The following PRPF19 variants were observed in gnomAD, a reference collection of about 807,000 sequenced individuals.
The protein encoded by PRPF19 is pre-mRNA-processing factor 19.
Under a neutral mutation model 64.2 loss-of-function variants are expected in PRPF19, and 2 were observed. The observed-to-expected ratio is 0.03, with a 90% CI of 0.01 to 0.10. The LOEUF is 0.10. Ranked by LOEUF, PRPF19 falls within the 10% of genes least tolerant of loss-of-function variation. PRPF19 has a pLI of 1.00. For synonymous variants in PRPF19, 226 were observed against 251.6 expected, an observed-to-expected ratio of 0.90 and a Z score of 0.96; for missense variants, 314 against 650.0, an observed-to-expected ratio of 0.48 and a Z score of 5.62.
intron 3 of PRPF19, 92 bp downstream of exon 3, chr11:60,903,367 A>G: frequency 2.1e-5 from 28 of 1,327,408 alleles, no homozygotes; most frequent in Non-Finnish European, 2.9e-5. Context: ...TTACCCTCTA[A>G]ATAATGCTCC....
At chr11:60,900,828 C>T (rs1166872692) in intron 9 of PRPF19, 26 bp downstream of exon 9, 9 of 1,613,956 alleles carry the variant, frequency 5.6e-6, no homozygotes, top group Non-Finnish European at 7.6e-6. Context: ...CCACTTTGGC[C>T]TGCCGGGCTA....
At chr11:60,897,599 G>A (rs1855936100) in intron 15 of PRPF19, 1 of 390,354 alleles carries the variant, frequency 2.6e-6, no homozygotes, top group South Asian at 4.7e-5. Flanking sequence ...AAACTTCAGA[G>A]GGACTTTTCT....
At chr11:60,901,069 T>C (rs549554062) in intron 8 of PRPF19, 140 bp from the exon 9 acceptor site, 22 of 1,061,590 alleles carry the variant, frequency 2.1e-5, no homozygotes, top group Non-Finnish European at 2.4e-5. Context: ...CCATACCTCT[T>C]GGCTATCTGC....
chr11:60,898,532 A>G lies in PRPF19; in HGVS notation c.1140+9T>C. ...CCTGGGCCTCAGATGGAGGCCTACC[A>G]TGTCCTACCTTCAAGTCCCAGATCT... On this transcript the variant is annotated intron_variant, in intron 13 of 15. Coordinates refer to ENST00000227524, the MANE Select transcript of PRPF19 (RefSeq NM_014502.5). This position sits in a 1 kb window ranked among gnomAD's most constrained non-coding sequence, Gnocchi z 4.6. The G allele has an allele frequency of 6.2e-7, 1 of 1,614,002 alleles. No individual in the cohort carries two copies. Among genetic ancestry groups the G allele is most frequent in the South Asian group, 1.1e-5 (1 of 90,984 alleles).
At chr11:60,891,852 C>T (rs565828404) in intron 15 of PRPF19, among the ~76,000 whole-genome samples, 17 of 152,328 alleles carry the variant, frequency 1.1e-4, no homozygotes, top group Admixed American at 2.6e-4. Flanking sequence ...ACACCAGGTA[C>T]AGTACAGGGT....
chr11:60,895,750 T>A (rs1855912675), intron 15 of PRPF19, among the ~76,000 whole-genome samples: 1 of 152,102 alleles, frequency 6.6e-6, no homozygotes, highest in South Asian at 2.1e-4. Context: ...TTCTTTCACT[T>A]GGACACCGAG....
At position 60,906,403 on chromosome 11, in the gene PRPF19, A is replaced by C; in HGVS notation, c.-21T>G. 6.4e-7 allele frequency: 1 copy of C among 1,568,664 alleles called. No individual in the cohort carries two copies. The highest frequency in any genetic ancestry group is 1.2e-5 in the South Asian group (1 of 86,306). ...GACATGGCGCCGTCACCGTGCTCCG[A>C]GGCGCCACACGCCGGGCTCCGGGAC... On this transcript the variant is annotated 5_prime_UTR_variant, in exon 1 of 16. Transcript: ENST00000227524.
At chr11:60,901,433 C>A (rs1456824100) in intron 7 of PRPF19, 64 bp from the exon 8 acceptor site, 1 of 1,613,834 alleles carries the variant, frequency 6.2e-7, no homozygotes, top group East Asian at 2.2e-5. Context: ...CGCCCTCTCT[C>A]TCCTAAGGAG....
chr11:60,900,474 C>CA (rs1855972031), intron 10 of PRPF19, 108 bp downstream of exon 10: 2 of 904,404 alleles, frequency 2.2e-6, no homozygotes, highest in Non-Finnish European at 3.4e-6. Flanking sequence ...ACTCAGGAGT[C>CA]AGAGTCAGAG....
chr11:60,898,901 G>A lies in PRPF19; in HGVS notation c.1015C>T (p.Arg339Cys), dbSNP rs756080029. 6.2e-6 allele frequency: 10 copies of A among 1,604,514 alleles called. No homozygotes were observed. The highest frequency in any genetic ancestry group is 7.7e-6 in the Non-Finnish European group (9 of 1,175,438). The change falls in exon 12 of 16, where the codon CGT becomes TGT. Residue 339 changes from arginine to cysteine, a missense_variant. Arg to Cys is a radical substitution (Grantham distance 180). Around this residue, in one of 7 missense-constraint regions of PRPF19, gnomAD observed 175 missense variants for 342.9 expected, o/e 0.51. Coordinates refer to ENST00000227524, the MANE Select transcript of PRPF19 (RefSeq NM_014502.5). The surrounding 1 kb of genome is among the most constrained non-coding windows in gnomAD (Gnocchi z 4.6). ...TCATCTGTCACCTTGGTGAGCACAC[G>A]CCCTGTCTGGATGTCAGAGAAAGCC... is the stretch of plus-strand genomic sequence containing the variant. ...YWAFSDIQTG[R>C]VLTKVTDETS...
At chr11:60,897,574 T>C (rs769740896) in intron 15 of PRPF19, 14 of 339,236 alleles carry the variant, frequency 4.1e-5, no homozygotes, top group Middle Eastern at 7.8e-4. Context: ...TCATTTATTT[T>C]AGATTCAGTT....
At chr11:60,901,160 AGGCGAGAAACAGC>A in intron 8 of PRPF19, 122 bp downstream of exon 8, 2 of 1,072,482 alleles carry the variant, frequency 1.9e-6, no homozygotes, top group East Asian at 5.1e-5. Flanking sequence ...TCAGCAGCCC[AGGCGAGAAACAGC>A]ACCAGGAACA....
rs1056823673 is a variant in PRPF19 at position 60,900,576 on chromosome 11, C to G, written c.828+6G>C. On this transcript the variant is annotated splice_donor_region_variant and intron_variant, in intron 10 of 15. Coordinates refer to ENST00000227524, the MANE Select transcript of PRPF19 (RefSeq NM_014502.5). ...AGAACCAAGGGTGGCGAGGAGAACC[C>G]CTTACCTGGGAAGGGTGAAACACCA... 1 of 1,544,010 alleles carries G rather than the reference C, an allele frequency of 6.5e-7. No individual in the cohort carries two copies. The highest frequency in any genetic ancestry group is 1.4e-5 in the African/African-American group (1 of 72,868).
chr11:60,901,314 C>A lies in PRPF19; in HGVS notation c.623G>T (p.Arg208Leu). 1 of 1,614,156 alleles carries A rather than the reference C, an allele frequency of 6.2e-7. No homozygotes were observed. Among genetic ancestry groups the A allele is most frequent in the Non-Finnish European group, 8.5e-7 (1 of 1,180,038 alleles). The change falls in exon 8 of 16, where the codon CGG (arginine) becomes CTG (leucine). Residue 208 changes from arginine to leucine, a missense_variant. Physicochemically the swap from Arg to Leu is moderately radical, Grantham distance 102 (BLOSUM62 -2). Coordinates refer to ENST00000227524, the MANE Select transcript of PRPF19 (RefSeq NM_014502.5). ...ACTCACCACGTGGGATGCCACCTGC[C>A]GGTATTTGCTGAGCTCTTCTGGCTT... ...LVKPEELSKY[R>L]QVASHVGLHS...
intron 9 of PRPF19, 28 bp from the exon 10 acceptor site, chr11:60,900,719 A>G (rs897089652): frequency 3.2e-6 from 5 of 1,560,744 alleles, no homozygotes; most frequent in South Asian, 1.2e-5. Flanking sequence ...AGACCAAACA[A>G]TGAGTCAGGC....
chr11:60,899,119 G>C (rs374476948), intron 11 of PRPF19, 30 bp downstream of exon 11: 1 of 1,597,234 alleles, frequency 6.3e-7, no homozygotes, highest in African/African-American at 1.3e-5. Context: ...GGACCAGCAG[G>C]CCTCTCCAGG....
At position 60,902,523 on chromosome 11, in the gene PRPF19, G is replaced by C; in HGVS notation, c.463-58C>G. The C allele has an allele frequency of 6.2e-7, 1 of 1,606,992 alleles. No homozygotes were observed. The highest frequency in any genetic ancestry group is 8.5e-7 in the Non-Finnish European group (1 of 1,173,468). The stretch of plus-strand genomic sequence containing the variant: ...AGAGCACCAAAGACACCTGCATAAG[G>C]ACAGTTCTGTGGGCCACTGTACACA... On this transcript the variant is annotated intron_variant, in intron 5 of 15. Transcript: ENST00000227524. The surrounding 1 kb of genome is among the most constrained non-coding windows in gnomAD (Gnocchi z 5.0).
In PRPF19 at chr11:60,891,043, T is replaced by G; in HGVS notation, c.*123A>C. On this transcript the variant is annotated 3_prime_UTR_variant, in exon 16 of 16. Transcript: ENST00000227524. ...GGCCACCACTCAGACCAGAGTGAAA[T>G]GATGTGAATGTCCCACCCCACAGAG... The G allele has an allele frequency of 1.4e-6, 1 of 705,670 alleles. No homozygotes were observed. The highest frequency in any genetic ancestry group is 1.7e-5 in the South Asian group (1 of 58,680). 43.7% of individuals were successfully genotyped at this position (705,670 alleles called of 1,614,324 possible).
At chr11:60,891,699 G>A (rs2134854722) in intron 15 of PRPF19, among the ~76,000 whole-genome samples, 1 of 152,322 alleles carries the variant, frequency 6.6e-6, no homozygotes, top group East Asian at 1.9e-4. Flanking sequence ...ATGAGGCTGG[G>A]CAACATTCCT....
Sources: gnomAD v4.1 joint callset for allele counts (sites outside exome capture counted in the v4.1 genomes callset) on GRCh38, gnomAD v4.1.1 for gene constraint, gnomAD v4.1.1 regional missense constraint, Gnocchi (gnomAD v3.1) non-coding constraint, MANE v1.5 for transcripts, NCBI Gene and HGNC (gene_info 2026-07-23, HGNC 2026-07-21) for gene names.